The following PTPRD variants were observed in gnomAD, a reference collection of about 807,000 sequenced individuals.
PTPRD encodes protein tyrosine phosphatase receptor type D.
PTPRD carries 34 observed loss-of-function variants against 214.5 expected under a neutral mutation model. The ratio of observed to expected loss-of-function variants is 0.16; its 90% CI spans 0.12 to 0.21. The LOEUF (loss-of-function observed/expected upper bound fraction) is 0.21. Among genes scored for constraint, PTPRD ranks in the 10% least tolerant of loss-of-function variants. The pLI is 1.00. For synonymous variants in PTPRD, 1,128 were observed against 845.7 expected, an observed-to-expected ratio of 1.33 and a Z score of -5.79; for missense variants, 2,545 against 2,398.7, an observed-to-expected ratio of 1.06 and a Z score of -1.27.
At chr9:9,863,831 G>A (rs10115029) in intron 5 of PTPRD, among the ~76,000 whole-genome samples, 13,046 of 149,646 alleles carry the variant, frequency 0.087, 1,388 homozygotes, top group African/African-American at 0.26. Flanking sequence ...CCTACATGCA[G>A]GACGGAAAAA....
At chr9:9,263,891 C>A (rs1304002826) in intron 9 of PTPRD, among the ~76,000 whole-genome samples, 1 of 151,446 alleles carries the variant, frequency 6.6e-6, no homozygotes, top group Non-Finnish European at 1.5e-5. Context: ...ATGTAACAAA[C>A]CTGCATATCA....
chr9:8,998,555 C>T (rs141130593), intron 11 of PTPRD, among the ~76,000 whole-genome samples: 1 of 152,110 alleles, frequency 6.6e-6, no homozygotes, highest in African/African-American at 2.4e-5. Flanking sequence ...CCCAAGAGCT[C>T]TGATGGAAAT....
At chr9:9,213,078 C>T (rs192765407) in intron 9 of PTPRD, among the ~76,000 whole-genome samples, 27 of 152,220 alleles carry the variant, frequency 1.8e-4, no homozygotes, top group Admixed American at 1.2e-3. Context: ...GAAGTTGAAA[C>T]GATGCACATC....
At chr9:10,109,819 G>A (rs1206307653) in intron 3 of PTPRD, among the ~76,000 whole-genome samples, 3 of 151,972 alleles carry the variant, frequency 2.0e-5, no homozygotes, top group Admixed American at 6.6e-5. Context: ...GAACTATCTG[G>A]TTATATATTT....
chr9:9,063,896 A>C (rs2099715671), intron 10 of PTPRD, among the ~76,000 whole-genome samples: 1 of 152,180 alleles, frequency 6.6e-6, no homozygotes, highest in South Asian at 2.1e-4. Context: ...TGGTTTTGCA[A>C]TAATTCAAAG....
chr9:10,603,514 T>C lies in PTPRD; in HGVS notation c.-600+8884A>G, dbSNP rs1573016. ...AGATAACTGTAGCATTTACCTTCCG[T>C]ACTAATATGCACATCTGGGAAAATA... On this transcript the variant is annotated intron_variant, in intron 2 of 45. Coordinates refer to ENST00000381196, the MANE Select transcript of PTPRD (RefSeq NM_002839.4). Among the ~76,000 whole-genome samples, 1,130 of 152,046 alleles carry C rather than the reference T, an allele frequency of 7.4e-3. 49 individuals are homozygous for C. The highest frequency in any genetic ancestry group is 0.051 in the Admixed American group (780 of 15,244).
chr9:9,094,972 T>C (rs1346048939), intron 10 of PTPRD, among the ~76,000 whole-genome samples: 1 of 152,146 alleles, frequency 6.6e-6, no homozygotes, highest in African/African-American at 2.4e-5. Flanking sequence ...AAAGTGATAA[T>C]ACTTCATGAC....
At chr9:10,407,494 A>G (rs1250389125) in intron 2 of PTPRD, among the ~76,000 whole-genome samples, 1 of 151,688 alleles carries the variant, frequency 6.6e-6, no homozygotes, top group East Asian at 2.0e-4. Context: ...GTTGGCTAGC[A>G]CCATTCCTAA....
chr9:9,926,707 T>C (rs2084443308), intron 5 of PTPRD, among the ~76,000 whole-genome samples: 1 of 152,164 alleles, frequency 6.6e-6, no homozygotes, highest in African/African-American at 2.4e-5. Context: ...TAACTAGGGT[T>C]AATGTGAAGA....
chr9:10,429,179 A>T (rs981519334), intron 2 of PTPRD, among the ~76,000 whole-genome samples: 4 of 152,040 alleles, frequency 2.6e-5, no homozygotes, highest in Admixed American at 2.6e-4. Flanking sequence ...AACACAGAAC[A>T]TTATAGATAT....
chr9:9,097,143 G>T (rs1451660155), intron 10 of PTPRD, among the ~76,000 whole-genome samples: 1 of 152,164 alleles, frequency 6.6e-6, no homozygotes, highest in Non-Finnish European at 1.5e-5. Context: ...CTCAGCAGGG[G>T]CTGATTCCTA....
chr9:9,646,788 T>C (rs2096196589), intron 7 of PTPRD, among the ~76,000 whole-genome samples: 3 of 152,136 alleles, frequency 2.0e-5, no homozygotes. Flanking sequence ...TTAAAATTAG[T>C]TTATAAATTA....
At chr9:10,490,187 T>C (rs1344193031) in intron 2 of PTPRD, among the ~76,000 whole-genome samples, 1 of 152,220 alleles carries the variant, frequency 6.6e-6, no homozygotes. Context: ...TTTTTCTCTA[T>C]ATCAACATTT....
intron 12 of PTPRD, among the ~76,000 whole-genome samples, chr9:8,676,304 C>G (rs1419967362): frequency 6.6e-6 from 1 of 151,962 alleles, no homozygotes; most frequent in African/African-American, 2.4e-5. Flanking sequence ...CCTTAAGGAG[C>G]TTACCCTCCA....
At chr9:9,945,561 A>C (rs2153979309) in intron 4 of PTPRD, among the ~76,000 whole-genome samples, 1 of 152,302 alleles carries the variant, frequency 6.6e-6, no homozygotes, top group South Asian at 2.1e-4. Context: ...CCAAGGTGGC[A>C]GTTAAGTAAT....
intron 10 of PTPRD, among the ~76,000 whole-genome samples, chr9:9,081,804 A>ACTAGGCGCC (rs2154422244): frequency 6.7e-6 from 1 of 148,474 alleles, no homozygotes; most frequent in African/African-American, 2.5e-5. Flanking sequence ...TTTATCAGAG[A>ACTAGGCGCC]CTAGGATTGC....
chr9:9,183,769 T>C (rs1421195173), intron 9 of PTPRD, among the ~76,000 whole-genome samples: 1 of 152,022 alleles, frequency 6.6e-6, no homozygotes, highest in African/African-American at 2.4e-5. Flanking sequence ...TTTAAATAAA[T>C]AATGCCCCTA....
intron 10 of PTPRD, among the ~76,000 whole-genome samples, chr9:9,136,268 A>T (rs1010535481): frequency 6.6e-6 from 1 of 152,146 alleles, no homozygotes; most frequent in African/African-American, 2.4e-5. Context: ...TCTAATTAAC[A>T]TCTTTTGGTC....
At chr9:9,640,683 G>A (rs1372377361) in intron 7 of PTPRD, among the ~76,000 whole-genome samples, 1 of 152,136 alleles carries the variant, frequency 6.6e-6, no homozygotes, top group Non-Finnish European at 1.5e-5. Flanking sequence ...ATTTAAAATG[G>A]ACCAATCATC....
Sources: allele counts gnomAD v4.1 joint callset (sites outside exome capture counted in the v4.1 genomes callset), GRCh38; gene constraint gnomAD v4.1.1; transcripts MANE v1.5; gene names NCBI Gene and HGNC (gene_info 2026-07-23, HGNC 2026-07-21).